Variants in CDH4 observed in about 807,000 individuals in gnomAD.
The protein encoded by CDH4 is cadherin-4.
CDH4 carries 33 observed loss-of-function variants against 86.0 expected under a neutral mutation model. The observed-to-expected ratio is 0.38, with a 90% CI of 0.29 to 0.51. CDH4 has a LOEUF of 0.51. Ranked by LOEUF, CDH4 falls within the 20% of genes least tolerant of loss-of-function variation. The probability of loss-of-function intolerance (pLI) is 0.86; values close to 1 mark genes in which losing one functional copy is unlikely to be tolerated. For synonymous variants in CDH4, 555 were observed against 549.4 expected, an observed-to-expected ratio of 1.01 and a Z score of -0.14; for missense variants, 1,114 against 1,307.4, an observed-to-expected ratio of 0.85 and a Z score of 2.28.
intron 10 of CDH4, 65 bp downstream of exon 10, chr20:61,923,769 G>A (rs2055012539): frequency 6.5e-7 from 1 of 1,527,930 alleles, no homozygotes; most frequent in African/African-American, 1.5e-5. Context: ...GAAGGGTCCA[G>A]AAATACCCCA....
chr20:61,864,333 G>C (rs1267873413), intron 6 of CDH4, among the ~76,000 whole-genome samples: 2 of 152,224 alleles, frequency 1.3e-5, no homozygotes, highest in African/African-American at 4.8e-5. Flanking sequence ...CAGCAGCCCA[G>C]GAGACCAGTG....
intron 2 of CDH4, among the ~76,000 whole-genome samples, chr20:61,625,609 A>G (rs2086823728): frequency 6.6e-6 from 1 of 152,216 alleles, no homozygotes; most frequent in Non-Finnish European, 1.5e-5. Context: ...GATTTTCAAG[A>G]GGAAAAAACA....
intron 8 of CDH4, among the ~76,000 whole-genome samples, chr20:61,900,409 G>A (rs557911817): frequency 2.6e-4 from 39 of 152,254 alleles, no homozygotes; most frequent in African/African-American, 7.5e-4. Flanking sequence ...GGTGGCAGCC[G>A]CAGGGACCAG....
At chr20:61,611,336 A>T (rs1430772285) in intron 2 of CDH4, among the ~76,000 whole-genome samples, 1 of 152,060 alleles carries the variant, frequency 6.6e-6, no homozygotes, top group Non-Finnish European at 1.5e-5. Flanking sequence ...GCATAAACTC[A>T]TAAGCATAGA....
At chr20:61,402,346 T>A (rs1005429298) in intron 2 of CDH4, among the ~76,000 whole-genome samples, 4 of 152,092 alleles carry the variant, frequency 2.6e-5, no homozygotes, top group Non-Finnish European at 4.4e-5. Context: ...GTATTGTTTA[T>A]GAAATATTGA....
At chr20:61,843,155 A>G (rs548720474) in intron 4 of CDH4, among the ~76,000 whole-genome samples, 182 of 151,472 alleles carry the variant, frequency 1.2e-3, no homozygotes, top group African/African-American at 4.2e-3. Context: ...AGGATCGCTT[A>G]AAGCCAGAAG....
intron 2 of CDH4, among the ~76,000 whole-genome samples, chr20:61,596,421 G>A (rs770626206): frequency 1.3e-5 from 2 of 152,192 alleles, no homozygotes; most frequent in South Asian, 4.1e-4. Context: ...GAAAGGAAGG[G>A]TGTCAGGAGA....
intron 2 of CDH4, among the ~76,000 whole-genome samples, chr20:61,508,179 C>CA (rs1568869890): frequency 6.6e-6 from 1 of 152,250 alleles, no homozygotes; most frequent in Non-Finnish European, 1.5e-5. Context: ...ACTTCAGAGA[C>CA]ATTGCCGCCT....
chr20:61,935,178 G>A (rs1264210266), intron 15 of CDH4, among the ~76,000 whole-genome samples: 1 of 152,154 alleles, frequency 6.6e-6, no homozygotes. Flanking sequence ...CCTGCTCGCC[G>A]ATGCCCACTG....
At chr20:61,369,519 T>C (rs937636688) in intron 2 of CDH4, among the ~76,000 whole-genome samples, 3 of 149,896 alleles carry the variant, frequency 2.0e-5, no homozygotes, top group Non-Finnish European at 4.4e-5. Flanking sequence ...GGGTTGGGTC[T>C]GTAGATTAGA....
rs556658629 is a variant in CDH4 at position 61,518,965 on chromosome 20, TATCC to T, written c.170-224585_170-224582del. 5.3e-3 allele frequency among the ~76,000 whole-genome samples: 686 copies of T among 129,642 alleles called. 3 individuals carry two copies. Among genetic ancestry groups the T allele is most frequent in the Middle Eastern group, 0.016 (4 of 258 alleles). The allele number at this position is 129,642 out of a possible 152,430, so 85.1% of individuals were successfully genotyped here. A position where few individuals can be genotyped will look rare whatever the true frequency, so the allele number is the denominator to read the frequency against. On this transcript the variant is annotated intron_variant, in intron 2 of 15. Coordinates refer to ENST00000614565, the MANE Select transcript of CDH4 (RefSeq NM_001794.5). This position sits in a 1 kb window ranked among gnomAD's most constrained non-coding sequence, Gnocchi z 6.3. ...TTCATTCATCTATCCATCCATTATT[TATCC>T]ATCCATCCATCCTTCATCCATCCAT...
At chr20:61,405,458 G>T (rs1281877752) in intron 2 of CDH4, among the ~76,000 whole-genome samples, 1 of 151,948 alleles carries the variant, frequency 6.6e-6, no homozygotes, top group East Asian at 1.9e-4. Flanking sequence ...AAAAACCAAA[G>T]AAACTGCTCC....
chr20:61,716,320 G>C (rs1568773289), intron 2 of CDH4, among the ~76,000 whole-genome samples: 3 of 151,526 alleles, frequency 2.0e-5, no homozygotes, highest in African/African-American at 7.3e-5. Flanking sequence ...TCACCCATGA[G>C]CTGCCTCTTG....
rs373824938 is a variant in CDH4 at position 61,528,013 on chromosome 20, T to A, written c.170-215550T>A. 7.2e-5 allele frequency among the ~76,000 whole-genome samples: 11 copies of A among 152,254 alleles called. No homozygotes were observed. In the South Asian group the frequency reaches 2.1e-3, roughly 29 times the overall value. On this transcript the variant is annotated intron_variant, in intron 2 of 15. Coordinates refer to ENST00000614565, the MANE Select transcript of CDH4 (RefSeq NM_001794.5). ...GCATTATTCCAGGGTATAGAGATAG[T>A]TAAAGCAGGCCCAGCTCCTTTTCTT...
chr20:61,675,214 G>A (rs2087433053), intron 2 of CDH4, among the ~76,000 whole-genome samples: 1 of 152,224 alleles, frequency 6.6e-6, no homozygotes, highest in South Asian at 2.1e-4. Context: ...AGACGGTGTT[G>A]TGCCCACCTC....
intron 2 of CDH4, among the ~76,000 whole-genome samples, chr20:61,692,862 A>T (rs1411014719): frequency 1.3e-5 from 2 of 150,080 alleles, no homozygotes; most frequent in Non-Finnish European, 3.0e-5. Flanking sequence ...TGCAAATGCT[A>T]GATAGGACCT....
At chr20:61,805,821 C>T (rs984240841) in intron 4 of CDH4, among the ~76,000 whole-genome samples, 5 of 152,256 alleles carry the variant, frequency 3.3e-5, no homozygotes, top group Non-Finnish European at 5.9e-5. Flanking sequence ...TGAGTTGTCA[C>T]AGCCAGAGCT....
intron 2 of CDH4, among the ~76,000 whole-genome samples, chr20:61,317,602 G>A (rs555121666): frequency 5.8e-4 from 89 of 152,258 alleles, no homozygotes; most frequent in African/African-American, 2.0e-3. Flanking sequence ...GTGGTGGGGC[G>A]TCCTGTGCAC....
chr20:61,646,005 A>T (rs1158158448), intron 2 of CDH4, among the ~76,000 whole-genome samples: 1 of 152,176 alleles, frequency 6.6e-6, no homozygotes, highest in Non-Finnish European at 1.5e-5. Context: ...ACTCACAGGC[A>T]ATATTGTGTG....
Sources: gnomAD v4.1 joint callset for allele counts (sites outside exome capture counted in the v4.1 genomes callset) on GRCh38, gnomAD v4.1.1 for gene constraint, Gnocchi (gnomAD v3.1) non-coding constraint, MANE v1.5 for transcripts, NCBI Gene and HGNC (gene_info 2026-07-23, HGNC 2026-07-21) for gene names.